Variants in SPINK5 observed in about 807,000 individuals in gnomAD.
SPINK5 encodes serine peptidase inhibitor Kazal type 5.
Under a neutral mutation model 151.8 loss-of-function variants are expected in SPINK5, and 125 were observed. The ratio of observed to expected loss-of-function variants is 0.82; its 90% CI spans 0.71 to 0.96. The LOEUF (loss-of-function observed/expected upper bound fraction) is 0.96. Ranked by LOEUF, SPINK5 falls within the 40% of genes least tolerant of loss-of-function variation. The pLI, the probability that SPINK5 is intolerant of heterozygous loss-of-function variation, is 0.00. For missense variants in SPINK5, 1,194 were observed against 1,291.9 expected (o/e 0.92, Z 1.16); for synonymous variants, 374 against 395.3 (o/e 0.95, Z 0.64).
chr5:148,097,733 AT>A, intron 10 of SPINK5, 133 bp from the exon 11 acceptor site: 1 of 883,376 alleles, frequency 1.1e-6, no homozygotes, highest in Non-Finnish European at 1.7e-6. Context: ...AAATATCACA[AT>A]TTTTGGATGG....
At position 148,107,310 on chromosome 5, in the gene SPINK5, T is replaced by C. The variant is rs968052957; in HGVS notation, c.1607+146T>C. 3.5e-6 allele frequency: 4 copies of C among 1,130,134 alleles called. No individual in the cohort carries two copies. The South Asian group carries it at 4.0e-5, about 11-fold the overall frequency. 70.0% of individuals were successfully genotyped at this position (1,130,134 alleles called of 1,614,324 possible). ...CAGATGGATAAGACATTAAGTAATA[T>C]TGAATCATATAGTGACAATACTATT... On this transcript the variant is annotated intron_variant, in intron 17 of 32. Transcript: ENST00000256084.
At chr5:148,131,705 A>G (rs1754577273) in intron 31 of SPINK5, among the ~76,000 whole-genome samples, 1 of 152,102 alleles carries the variant, frequency 6.6e-6, no homozygotes, top group Non-Finnish European at 1.5e-5. Context: ...TGTGAACATC[A>G]TTCATTCTGT....
intron 4 of SPINK5, among the ~76,000 whole-genome samples, chr5:148,079,723 C>T (rs1187828259): frequency 6.6e-6 from 1 of 151,006 alleles, no homozygotes; most frequent in Non-Finnish European, 1.5e-5. Flanking sequence ...TGAAAACTCA[C>T]ACAAAATATT....
At chr5:148,132,951 C>T (rs1452847756) in intron 31 of SPINK5, among the ~76,000 whole-genome samples, 4 of 152,084 alleles carry the variant, frequency 2.6e-5, no homozygotes, top group Non-Finnish European at 5.9e-5. Context: ...TTATCTCCAG[C>T]CCAGAAATCC....
chr5:148,083,715 T>C (rs1753082159), intron 4 of SPINK5, among the ~76,000 whole-genome samples: 1 of 151,656 alleles, frequency 6.6e-6, no homozygotes, highest in South Asian at 2.1e-4. Context: ...TTTTCTCTTT[T>C]ATTCTTTTTT....
chr5:148,077,185 T>G (rs1184546819), intron 4 of SPINK5, among the ~76,000 whole-genome samples: 1 of 71,484 alleles, frequency 1.4e-5, no homozygotes, highest in Non-Finnish European at 2.4e-5. Context: ...ATTAAAATGT[T>G]GAAATAAAAA....
chr5:148,089,271 T>C (rs1379043665), intron 6 of SPINK5: 2 of 609,020 alleles, frequency 3.3e-6, no homozygotes, highest in African/African-American at 1.8e-5. Flanking sequence ...TTCTGGCACA[T>C]AGTAGGTTAT....
intron 25 of SPINK5, 36 bp downstream of exon 25, chr5:148,120,172 T>A (rs2113194152): frequency 6.2e-7 from 1 of 1,613,912 alleles, no homozygotes; most frequent in South Asian, 1.1e-5. Flanking sequence ...TGACTGTGAG[T>A]CTTAAAGTAC....
At chr5:148,114,126 G>A (rs1044317460) in intron 20 of SPINK5, among the ~76,000 whole-genome samples, 1 of 152,170 alleles carries the variant, frequency 6.6e-6, no homozygotes, top group Non-Finnish European at 1.5e-5. Context: ...TTTATTGAGA[G>A]TCTTGTGTAT....
chr5:148,080,128 TTAAAA>T (rs1351756829), intron 4 of SPINK5, among the ~76,000 whole-genome samples: 3 of 151,070 alleles, frequency 2.0e-5, no homozygotes, highest in Non-Finnish European at 3.0e-5. Context: ...AATTTGAAAA[TTAAAA>T]TATTTCATTC....
chr5:148,084,421 C>T (rs1201009446), intron 4 of SPINK5, among the ~76,000 whole-genome samples: 5 of 151,816 alleles, frequency 3.3e-5, no homozygotes, highest in African/African-American at 1.2e-4. Context: ...GAGGTGTTTT[C>T]TGTAGGTTGT....
chr5:148,086,289 T>C lies in SPINK5; in HGVS notation c.283-116T>C, dbSNP rs1200517463. 4.6e-6 allele frequency: 6 copies of C among 1,293,032 alleles called. No individual in the cohort carries two copies. In the Admixed American group the frequency reaches 1.0e-4, roughly 22 times the overall value. The allele number at this position is 1,293,032 out of a possible 1,614,324, so 80.1% of individuals were successfully genotyped here. On this transcript the variant is annotated intron_variant, in intron 4 of 32. Coordinates refer to ENST00000256084, the MANE Select transcript of SPINK5 (RefSeq NM_006846.4). Reference sequence around the variant, plus strand: ...TTAGCTCAATGTAGCCTTCATGATATGTTTTTCTTCTCCAGCAATTTACAT... The same window carrying C: ...TTAGCTCAATGTAGCCTTCATGATACGTTTTTCTTCTCCAGCAATTTACAT...
At chr5:148,105,431 A>G (rs1320521813) in intron 16 of SPINK5, among the ~76,000 whole-genome samples, 1 of 152,182 alleles carries the variant, frequency 6.6e-6, no homozygotes, top group Non-Finnish European at 1.5e-5. Flanking sequence ...CCACCCAGCT[A>G]TGGAGCAAGT....
rs756197539 is a variant in SPINK5 at position 148,099,324 on chromosome 5, A to G, written c.1092+9A>G. The G allele has an allele frequency of 1.2e-6, 2 of 1,610,292 alleles. No individual in the cohort carries two copies. Among genetic ancestry groups the G allele is most frequent in the Non-Finnish European group, 8.5e-7 (1 of 1,177,422 alleles). Reference sequence around the variant, plus strand: ...AAGCAACCTCATATGCAGTGAGTGGAATCCATCCAATAAATCCTATTTGGT... The same window carrying G: ...AAGCAACCTCATATGCAGTGAGTGGGATCCATCCAATAAATCCTATTTGGT... On this transcript the variant is annotated intron_variant, in intron 12 of 32. Coordinates refer to ENST00000256084, the MANE Select transcript of SPINK5 (RefSeq NM_006846.4).
Position 148,120,317 on chromosome 5 carries a change from A to G in SPINK5, c.2464A>G (p.Lys822Glu), listed in dbSNP as rs1754222011. Residue 822 changes from lysine to glutamate, a missense_variant, in exon 26 of 33, where the codon AAA becomes GAA. Lys to Glu is a moderately conservative substitution (Grantham distance 56). Coordinates refer to ENST00000256084, the MANE Select transcript of SPINK5 (RefSeq NM_006846.4). ...EKLEREAAEK[K>E]KKEDEDRSNT... ...CAGGGAAAGGGAAGCAGCTGAAAAA[A>G]AAAAGAAAGAGGATGAAGACAGGAG... 8 of 1,605,902 alleles carry G rather than the reference A, an allele frequency of 5.0e-6. No homozygotes were observed. The highest frequency in any genetic ancestry group is 6.8e-6 in the Non-Finnish European group (8 of 1,175,366).
At chr5:148,070,700 G>C (rs1330160207) in intron 3 of SPINK5, among the ~76,000 whole-genome samples, 1 of 152,074 alleles carries the variant, frequency 6.6e-6, no homozygotes, top group Non-Finnish European at 1.5e-5. Context: ...AATACCTTCT[G>C]TAGCACTCTA....
intron 22 of SPINK5, 24 bp from the exon 23 acceptor site, chr5:148,118,413 C>T: frequency 1.2e-6 from 2 of 1,613,890 alleles, no homozygotes; most frequent in South Asian, 1.1e-5. Flanking sequence ...AATCCAGGGG[C>T]TCTTCGTTCT....
In SPINK5 at chr5:148,108,841, GTTGT is replaced by G. The variant is rs760360443; in HGVS notation, c.1692+8_1692+11del. 1.9e-5 allele frequency: 31 copies of G among 1,611,886 alleles called. No homozygotes were observed. The highest frequency in any genetic ancestry group is 2.4e-5 in the Non-Finnish European group (28 of 1,178,548). On this transcript the variant is annotated splice_donor_5th_base_variant and intron_variant, in intron 18 of 32. Transcript: ENST00000256084. ...AGTTAAGAGAGAAGCAGTTCAGGTA[GTTGT>G]TTGAGATCATCAGAGCCACATAAAT... is the stretch of plus-strand genomic sequence containing the variant.
intron 32 of SPINK5, 65 bp downstream of exon 32, chr5:148,133,952 T>C (rs1754638457): frequency 6.6e-7 from 1 of 1,525,346 alleles, no homozygotes. Context: ...CTGGTTTTGT[T>C]CTCTTCCACT....
Sources: gnomAD v4.1 joint callset for allele counts (sites outside exome capture counted in the v4.1 genomes callset) on GRCh38, gnomAD v4.1.1 for gene constraint, MANE v1.5 for transcripts, NCBI Gene and HGNC (gene_info 2026-07-23, HGNC 2026-07-21) for gene names.